CDH18: variants seen among roughly 807,000 people sequenced by gnomAD.
The protein encoded by CDH18 is cadherin-18.
CDH18 carries 31 observed loss-of-function variants against 67.9 expected under a neutral mutation model. The observed-to-expected ratio is 0.46, with a 90% CI of 0.34 to 0.62. CDH18 has a LOEUF of 0.62. Ranked by LOEUF, CDH18 falls within the 20% of genes least tolerant of loss-of-function variation. The pLI, the probability that CDH18 is intolerant of heterozygous loss-of-function variation, is 0.01. For synonymous variants in CDH18, 362 were observed against 347.2 expected (o/e 1.04, Z -0.48); for missense variants, 890 against 975.5 (o/e 0.91, Z 1.17).
At chr5:20,107,104 G>A (rs1747012715) in intron 2 of CDH18, among the ~76,000 whole-genome samples, 2 of 139,338 alleles carry the variant, frequency 1.4e-5, no homozygotes, top group Admixed American at 7.6e-5. Flanking sequence ...TTTTTGAGAC[G>A]GAGTCTCGCT....
At position 19,673,273 on chromosome 5, in the gene CDH18, G is replaced by T. The variant is rs565954787; in HGVS notation, c.643+48074C>A. ...ATTGACTAAGGATTAAGAGTTTATA[G>T]GTTTAGAAAATATTTAAAAATCACA... On this transcript the variant is annotated intron_variant, in intron 5 of 12. Transcript: ENST00000382275. 1.2e-4 allele frequency among the ~76,000 whole-genome samples: 18 copies of T among 151,982 alleles called. No individual in the cohort carries two copies. In the South Asian group the frequency reaches 3.3e-3, roughly 28 times the overall value.
chr5:20,079,800 C>T (rs553101677), intron 2 of CDH18, among the ~76,000 whole-genome samples: 1 of 152,058 alleles, frequency 6.6e-6, no homozygotes, highest in Non-Finnish European at 1.5e-5. Context: ...TCTCATAGTT[C>T]CAGAGCTGGG....
intron 1 of CDH18, among the ~76,000 whole-genome samples, chr5:20,497,797 C>T (rs533380725): frequency 6.6e-6 from 1 of 152,202 alleles, no homozygotes; most frequent in Non-Finnish European, 1.5e-5. Context: ...ATAAAAAAAG[C>T]ATTTGCTATA....
At chr5:19,602,696 G>T (rs754665044) in intron 6 of CDH18, among the ~76,000 whole-genome samples, 1 of 152,116 alleles carries the variant, frequency 6.6e-6, no homozygotes, top group Non-Finnish European at 1.5e-5. Flanking sequence ...GGGCGTGGTG[G>T]CTCATGCCTG....
At chr5:20,100,931 A>G (rs1746408620) in intron 2 of CDH18, among the ~76,000 whole-genome samples, 1 of 152,060 alleles carries the variant, frequency 6.6e-6, no homozygotes, top group African/African-American at 2.4e-5. Context: ...TCATATATTT[A>G]TGACTATTCA....
chr5:20,534,291 C>T (rs1756585897), intron 1 of CDH18, among the ~76,000 whole-genome samples: 2 of 151,946 alleles, frequency 1.3e-5, no homozygotes, highest in South Asian at 4.1e-4. Context: ...CAAGTAAGTG[C>T]TTCTTTCATT....
chr5:20,017,559 T>C (rs920808051), intron 2 of CDH18, among the ~76,000 whole-genome samples: 1 of 152,304 alleles, frequency 6.6e-6, no homozygotes, highest in Admixed American at 6.5e-5. Context: ...AGATTAAAAT[T>C]ACTAAATTTC....
intron 2 of CDH18, among the ~76,000 whole-genome samples, chr5:19,889,324 T>G (rs1313645439): frequency 6.6e-6 from 1 of 152,076 alleles, no homozygotes; most frequent in Non-Finnish European, 1.5e-5. Flanking sequence ...CTGTACCTCT[T>G]GAGAGAAATG....
intron 1 of CDH18, among the ~76,000 whole-genome samples, chr5:20,352,431 T>C (rs1425859321): frequency 6.6e-6 from 1 of 151,954 alleles, no homozygotes; most frequent in Non-Finnish European, 1.5e-5. Flanking sequence ...AAATCTTGGT[T>C]GTTGAAAGGT....
At chr5:20,098,253 C>T (rs896521635) in intron 2 of CDH18, among the ~76,000 whole-genome samples, 2 of 151,652 alleles carry the variant, frequency 1.3e-5, no homozygotes, top group African/African-American at 4.8e-5. Flanking sequence ...ATCAGTAAAA[C>T]CTCAAATAAT....
chr5:20,443,209 CAAAAAA>C lies in CDH18; in HGVS notation c.-580+132247_-580+132252del, dbSNP rs72353299. Among the ~76,000 whole-genome samples, 2 of 77,536 alleles carry C rather than the reference CAAAAAA, an allele frequency of 2.6e-5. 1 individual carries two copies. Among genetic ancestry groups the C allele is most frequent in the African/African-American group, 1.1e-4 (2 of 18,032 alleles). The allele number at this position is 77,536 out of a possible 152,430, so 50.9% of individuals were successfully genotyped here. On this transcript the variant is annotated intron_variant, in intron 1 of 14. Transcript: ENST00000507958. ...TGGGTGATAGAGCGAGACTCCGTCA[CAAAAAA>C]AAAAAAAAAAAAAAAAGTATATCTT...
At chr5:19,641,989 T>C (rs1408865331) in intron 5 of CDH18, among the ~76,000 whole-genome samples, 2 of 151,968 alleles carry the variant, frequency 1.3e-5, no homozygotes, top group Non-Finnish European at 2.9e-5. Flanking sequence ...ATAAATCTAG[T>C]AAATTTGCAG....
intron 3 of CDH18, among the ~76,000 whole-genome samples, chr5:19,775,387 G>A (rs1300026694): frequency 6.6e-6 from 1 of 151,998 alleles, no homozygotes; most frequent in Non-Finnish European, 1.5e-5. Context: ...GGCTGTACAG[G>A]AAGCATAGAG....
intron 1 of CDH18, among the ~76,000 whole-genome samples, chr5:20,511,825 A>T (rs1051508027): frequency 6.6e-6 from 1 of 152,132 alleles, no homozygotes; most frequent in Non-Finnish European, 1.5e-5. Context: ...GTTTTGTTTC[A>T]AACTTTTGGT....
intron 5 of CDH18, among the ~76,000 whole-genome samples, chr5:19,623,638 C>T (rs2150150162): frequency 6.6e-6 from 1 of 151,612 alleles, no homozygotes; most frequent in South Asian, 2.1e-4. Context: ...AGATGAGATG[C>T]TTTATGTAGA....
In CDH18 at chr5:20,333,628, A is replaced by T. The variant is rs184625726; in HGVS notation, c.-579-78123T>A. ...CTTTGCCTTGTTGATATTATGAACA[A>T]TTTCATTCCTCAATTCAAATGAGAA... On this transcript the variant is annotated intron_variant, in intron 1 of 14. Coordinates refer to the CDH18 transcript ENST00000507958. Among the ~76,000 whole-genome samples, 67 of 151,794 alleles carry T rather than the reference A, an allele frequency of 4.4e-4. No homozygotes were observed. In the East Asian group the frequency reaches 8.9e-3, roughly 20 times the overall value.
At chr5:19,475,209 C>G (rs1005080844) in intron 12 of CDH18, among the ~76,000 whole-genome samples, 7 of 151,432 alleles carry the variant, frequency 4.6e-5, no homozygotes, top group African/African-American at 1.7e-4. Flanking sequence ...CACACACACA[C>G]ACACACACAT....
At chr5:20,556,038 TA>T (rs1227915893) in intron 1 of CDH18, among the ~76,000 whole-genome samples, 2 of 152,206 alleles carry the variant, frequency 1.3e-5, no homozygotes, top group African/African-American at 2.4e-5. Context: ...TTGTTTCCTT[TA>T]CATTATCACC....
chr5:19,630,649 G>A (rs1446490070), intron 5 of CDH18, among the ~76,000 whole-genome samples: 1 of 152,092 alleles, frequency 6.6e-6, no homozygotes, highest in East Asian at 1.9e-4. Context: ...CTTAGTAGGG[G>A]GATCTAGCAG....
Sources: gnomAD v4.1 joint callset for allele counts (sites outside exome capture counted in the v4.1 genomes callset) on GRCh38, gnomAD v4.1.1 for gene constraint, MANE v1.5 for transcripts, NCBI Gene and HGNC (gene_info 2026-07-23, HGNC 2026-07-21) for gene names.